CMIP: variants seen among roughly 807,000 people sequenced by gnomAD.
The protein encoded by CMIP is C-Maf-inducing protein.
In CMIP, 13 loss-of-function variants were observed where a neutral mutation model predicts 97.3. That is an observed-to-expected ratio of 0.13 (90% CI 0.09 to 0.21). The LOEUF (loss-of-function observed/expected upper bound fraction) is 0.21. CMIP is among the 10% of genes least tolerant of loss of function. CMIP has a pLI of 1.00. For missense variants in CMIP, 847 were observed against 1,024.9 expected (o/e 0.83, Z 2.37); for synonymous variants, 538 against 436.3 (o/e 1.23, Z -2.91).
chr16:81,535,466 CTTTTT>C (rs34961950), intron 1 of CMIP, among the ~76,000 whole-genome samples: 5 of 134,414 alleles, frequency 3.7e-5, no homozygotes, highest in Non-Finnish European at 6.3e-5. Context: ...CACTGGAATG[CTTTTT>C]TTTTTTTTTT....
chr16:81,480,847 G>T (rs1053854258), intron 1 of CMIP, among the ~76,000 whole-genome samples: 2 of 152,186 alleles, frequency 1.3e-5, no homozygotes, highest in Non-Finnish European at 2.9e-5. Flanking sequence ...TTATCATGGA[G>T]GGAGTCTCCC....
At chr16:81,591,073 G>A (rs1446999005) in intron 1 of CMIP, among the ~76,000 whole-genome samples, 1 of 152,196 alleles carries the variant, frequency 6.6e-6, no homozygotes, top group Non-Finnish European at 1.5e-5. Context: ...GCCCTTTACA[G>A]AAAATGTTTG....
At chr16:81,486,503 T>C (rs1251182627) in intron 1 of CMIP, among the ~76,000 whole-genome samples, 3 of 152,144 alleles carry the variant, frequency 2.0e-5, no homozygotes, top group Admixed American at 1.3e-4. Flanking sequence ...CTGGAGTTCA[T>C]TCAGGAGGGG....
chr16:81,640,278 G>A (rs2092287517), intron 3 of CMIP, among the ~76,000 whole-genome samples: 2 of 138,136 alleles, frequency 1.4e-5, no homozygotes, highest in Admixed American at 7.8e-5. Flanking sequence ...AGCAGGATAG[G>A]ACATCAGGCC....
chr16:81,590,291 A>G (rs1398439349), intron 1 of CMIP, among the ~76,000 whole-genome samples: 2 of 152,004 alleles, frequency 1.3e-5, no homozygotes, highest in Admixed American at 6.6e-5. Flanking sequence ...TTTTCCTGGT[A>G]TTCTCTTGAA....
At chr16:81,474,851 A>C (rs1907794806) in intron 1 of CMIP, among the ~76,000 whole-genome samples, 1 of 151,296 alleles carries the variant, frequency 6.6e-6, no homozygotes, top group Admixed American at 6.6e-5. Context: ...CCCTGCCTCC[A>C]GCCATGGGGG....
At chr16:81,605,728 C>G (rs1169328328) in intron 1 of CMIP, among the ~76,000 whole-genome samples, 11 of 152,226 alleles carry the variant, frequency 7.2e-5, no homozygotes, top group Non-Finnish European at 1.3e-4. Context: ...TCATGACACC[C>G]CATTGTGATT....
intron 10 of CMIP, among the ~76,000 whole-genome samples, chr16:81,684,097 A>G (rs1377989685): frequency 6.6e-6 from 1 of 152,192 alleles, no homozygotes; most frequent in Non-Finnish European, 1.5e-5. Context: ...CCTGGAGCAC[A>G]TGATAACTCT....
chr16:81,692,033 A>G (rs1195594520), intron 11 of CMIP, among the ~76,000 whole-genome samples, 193 bp downstream of exon 11: 1 of 152,130 alleles, frequency 6.6e-6, no homozygotes, highest in Non-Finnish European at 1.5e-5. Context: ...TCCCTCAGAA[A>G]AATGGGGAAC....
chr16:81,445,802 C>T (rs1336261159), intron 1 of CMIP, among the ~76,000 whole-genome samples: 2 of 151,968 alleles, frequency 1.3e-5, no homozygotes, highest in Non-Finnish European at 2.9e-5. Context: ...GGCTGGGTGC[C>T]TGGGGACCTT....
intron 3 of CMIP, among the ~76,000 whole-genome samples, chr16:81,624,718 A>G (rs1480667039): frequency 6.6e-6 from 1 of 152,190 alleles, no homozygotes; most frequent in Non-Finnish European, 1.5e-5. Context: ...TTTCTTCCAA[A>G]GGGAGGACAG....
In CMIP at chr16:81,567,705, C is replaced by T. The variant is rs536878341; in HGVS notation, c.301-39862C>T. ...GACCCTCCTGCTCTGCCTCTCCATG[C>T]GCTGCTCCTCTGCTGTGTCGTCTGC... On this transcript the variant is annotated intron_variant, in intron 1 of 20. Coordinates refer to ENST00000537098, the MANE Select transcript of CMIP (RefSeq NM_198390.3). Among the ~76,000 whole-genome samples the T allele has an allele frequency of 3.0e-4, 45 of 152,312 alleles. 1 individual carries two copies. Among genetic ancestry groups the T allele is most frequent in the African/African-American group, 1.1e-3 (45 of 41,568 alleles).
rs552992149 is a variant in CMIP, at chr16:81,607,275, G to A, written c.301-292G>A. Among the ~76,000 whole-genome samples, 6 of 152,190 alleles carry A rather than the reference G, an allele frequency of 3.9e-5. No homozygotes were observed. The East Asian group carries it at 5.8e-4, about 15-fold the overall frequency. On this transcript the variant is annotated intron_variant, in intron 1 of 20. Coordinates refer to ENST00000537098, the MANE Select transcript of CMIP (RefSeq NM_198390.3). ...CAGCCACTCCCTGCGCTGGCCCCGC[G>A]GATACCAAGAGCAGCAGTCCCTCAG... is the stretch of plus-strand genomic sequence containing the variant.
chr16:81,694,153 C>T (rs1263151310), intron 13 of CMIP, among the ~76,000 whole-genome samples: 1 of 151,494 alleles, frequency 6.6e-6, no homozygotes, highest in Non-Finnish European at 1.5e-5. Flanking sequence ...TATAGTATTC[C>T]CAGTGTTGCG....
intron 1 of CMIP, among the ~76,000 whole-genome samples, chr16:81,462,881 C>T (rs1263494364): frequency 6.6e-6 from 1 of 152,308 alleles, no homozygotes. Context: ...CCTCCCTGAC[C>T]TGTAAAGCAG....
chr16:81,703,678 G>A (rs1907685178), intron 17 of CMIP, among the ~76,000 whole-genome samples: 1 of 152,016 alleles, frequency 6.6e-6, no homozygotes, highest in South Asian at 2.1e-4. Flanking sequence ...TGGTGCCTCA[G>A]GGTGTGAGTC....
At chr16:81,600,313 T>G (rs1014750011) in intron 1 of CMIP, among the ~76,000 whole-genome samples, 7 of 145,716 alleles carry the variant, frequency 4.8e-5, no homozygotes, top group African/African-American at 1.8e-4. Flanking sequence ...TAAAGCTGGC[T>G]CTTCACTATA....
At chr16:81,475,526 A>G (rs558381274) in intron 1 of CMIP, among the ~76,000 whole-genome samples, 2 of 152,248 alleles carry the variant, frequency 1.3e-5, no homozygotes, top group East Asian at 1.9e-4. Flanking sequence ...TTATTTCACA[A>G]TCATAAACTT....
intron 18 of CMIP, among the ~76,000 whole-genome samples, chr16:81,704,836 C>A (rs1440911978): frequency 6.6e-6 from 1 of 150,536 alleles, no homozygotes; most frequent in East Asian, 2.0e-4. Flanking sequence ...GGTTGAGGAC[C>A]TCATGAAGCC....
Sources: allele counts gnomAD v4.1 joint callset (sites outside exome capture counted in the v4.1 genomes callset), GRCh38; gene constraint gnomAD v4.1.1; transcripts MANE v1.5; gene names NCBI Gene and HGNC (gene_info 2026-07-23, HGNC 2026-07-21).